LPAR1: variants seen among roughly 807,000 people sequenced by gnomAD.
LPAR1 encodes lysophosphatidic acid receptor 1.
A neutral mutation model predicts 23.8 loss-of-function variants in LPAR1; 5 were observed. The observed-to-expected ratio is 0.21, with a 90% CI of 0.11 to 0.44. LPAR1 has a LOEUF of 0.44. Among genes scored for constraint, LPAR1 ranks in the 20% least tolerant of loss-of-function variants. The pLI, the probability that LPAR1 is intolerant of heterozygous loss-of-function variation, is 0.99. For synonymous variants in LPAR1, 160 were observed against 164.7 expected (o/e 0.97, Z 0.22); for missense variants, 311 against 482.8 (o/e 0.64, Z 3.33).
upstream of LPAR1, chr9:111,038,762 A>G: frequency 2.6e-6 from 1 of 391,760 alleles, no homozygotes; most frequent in South Asian, 1.7e-5. The surrounding 1 kb of genome is among the most constrained non-coding windows in gnomAD (Gnocchi z 4.4). Context: ...TTAGCCTCCC[A>G]TTCATTATCT....
chr9:110,936,564 G>C lies in LPAR1; in HGVS notation c.793+4857C>G, dbSNP rs150841182. On this transcript the variant is annotated intron_variant, in intron 5 of 5. Transcript: ENST00000683809. ...AATGAGGAAAATGTAACTCCTTGAT[G>C]TAAGAGTATAAACAACACAGGAAGA... Among the ~76,000 whole-genome samples the C allele has an allele frequency of 2.1e-3, 323 of 152,298 alleles. 3 individuals are homozygous for C. Among genetic ancestry groups the C allele is most frequent in the African/African-American group, 7.1e-3 (297 of 41,572 alleles).
chr9:111,037,304 C>T (rs559018754), intron 1 of LPAR1, among the ~76,000 whole-genome samples: 30 of 152,302 alleles, frequency 2.0e-4, no homozygotes, highest in African/African-American at 7.2e-4. Context: ...CCAGCACCCA[C>T]ATTTATGAAA....
chr9:111,023,930 C>T (rs987885274), intron 2 of LPAR1, among the ~76,000 whole-genome samples: 2 of 152,114 alleles, frequency 1.3e-5, no homozygotes, highest in African/African-American at 4.8e-5. Flanking sequence ...AGCCACTGAA[C>T]TAAATGTCCC....
intron 2 of LPAR1, among the ~76,000 whole-genome samples, chr9:110,980,300 T>C (rs2096641291): frequency 6.6e-6 from 1 of 151,854 alleles, no homozygotes; most frequent in Non-Finnish European, 1.5e-5. Context: ...CAAAAAGAAG[T>C]TAAAAAAAAT....
At chr9:110,888,714 C>G (rs1175668007) in intron 5 of LPAR1, among the ~76,000 whole-genome samples, 7 of 152,086 alleles carry the variant, frequency 4.6e-5, no homozygotes, top group African/African-American at 1.7e-4. Flanking sequence ...ACAAGAAGAG[C>G]AGCTAGAAAC....
chr9:110,924,088 T>C (rs2093831833), intron 5 of LPAR1, among the ~76,000 whole-genome samples: 1 of 152,046 alleles, frequency 6.6e-6, no homozygotes, highest in Admixed American at 6.6e-5. Context: ...AAAAATCCAA[T>C]ATTGTCATGA....
At chr9:111,032,098 A>C (rs2097805377) in intron 2 of LPAR1, among the ~76,000 whole-genome samples, 1 of 152,226 alleles carries the variant, frequency 6.6e-6, no homozygotes, top group Non-Finnish European at 1.5e-5. Context: ...TGGAAGAAAG[A>C]GTAATATAAA....
intron 5 of LPAR1, among the ~76,000 whole-genome samples, chr9:110,912,553 C>T (rs893531864): frequency 2.6e-5 from 4 of 152,086 alleles, no homozygotes; most frequent in Admixed American, 6.5e-5. Flanking sequence ...CAATAAAACC[C>T]GTTTTCAGAC....
Position 110,941,123 on chromosome 9 carries a change from A to C in LPAR1, c.793+298T>G, listed in dbSNP as rs907556389. On this transcript the variant is annotated intron_variant, in intron 5 of 5. Coordinates refer to ENST00000683809, the MANE Select transcript of LPAR1 (RefSeq NM_001351411.2). The surrounding 1 kb of genome is among the most constrained non-coding windows in gnomAD (Gnocchi z 6.1). Reference sequence around the variant, plus strand: ...ATTTAGGCTGTAAGAAAAATGAATGAGTTTGACTGGTAATTCTGGTATTTT... The same window carrying C: ...ATTTAGGCTGTAAGAAAAATGAATGCGTTTGACTGGTAATTCTGGTATTTT... Among the ~76,000 whole-genome samples, 1 of 152,204 alleles carries C rather than the reference A, an allele frequency of 6.6e-6. No homozygotes were observed. Among genetic ancestry groups the C allele is most frequent in the Non-Finnish European group, 1.5e-5 (1 of 68,040 alleles).
chr9:110,947,806 G>A (rs2095434101), intron 4 of LPAR1, among the ~76,000 whole-genome samples: 1 of 152,318 alleles, frequency 6.6e-6, no homozygotes, highest in East Asian at 1.9e-4. Flanking sequence ...AAACTCACAT[G>A]CTAGTAATTA....
In LPAR1 at chr9:110,875,676, T is replaced by C; in HGVS notation, c.840A>G (p.Leu280=). 6.2e-7 allele frequency: 1 copy of C among 1,612,612 alleles called. No individual in the cohort carries two copies. Among genetic ancestry groups the C allele is most frequent in the Non-Finnish European group, 8.5e-7 (1 of 1,178,962 alleles). The part of the protein sequence containing the change: ...CWTPGLVLLL[L]DVCCPQCDVL... ...CGTCGCACTGTGGACAGCACACGTC[T>C]AGAAGTAACAAAACCAATCCAGGAG... is the stretch of plus-strand genomic sequence containing the variant. The change falls in exon 6 of 6, where the codon CTA becomes CTG. Residue 280 remains leucine (L), a synonymous_variant. Coordinates refer to ENST00000683809, the MANE Select transcript of LPAR1 (RefSeq NM_001351411.2).
At chr9:110,969,372 A>T (rs2096334068) in intron 4 of LPAR1, among the ~76,000 whole-genome samples, 9 of 152,064 alleles carry the variant, frequency 5.9e-5, no homozygotes. Flanking sequence ...CCTCCATACG[A>T]TATCTTGGAG....
At chr9:110,975,313 T>C (rs1269468870) in intron 2 of LPAR1, among the ~76,000 whole-genome samples, 2 of 152,166 alleles carry the variant, frequency 1.3e-5, no homozygotes, top group African/African-American at 4.8e-5. Context: ...ACGTTATTAC[T>C]AACAACAGCA....
intron 5 of LPAR1, among the ~76,000 whole-genome samples, chr9:110,890,289 G>A (rs866670328): frequency 3.9e-5 from 6 of 151,990 alleles, no homozygotes; most frequent in East Asian, 1.9e-4. Context: ...GAATATAATC[G>A]TTAAAAAAGT....
intron 2 of LPAR1, among the ~76,000 whole-genome samples, chr9:110,981,220 T>C (rs753135716): frequency 1.3e-5 from 2 of 152,066 alleles, no homozygotes; most frequent in Non-Finnish European, 2.9e-5. Context: ...GCACATACAT[T>C]TCTTTTTTTA....
At chr9:110,925,204 T>C (rs1182112941) in intron 5 of LPAR1, among the ~76,000 whole-genome samples, 1 of 151,464 alleles carries the variant, frequency 6.6e-6, no homozygotes, top group East Asian at 1.9e-4. Flanking sequence ...TACAGTTTTT[T>C]CCTGAGATTT....
At position 110,941,647 on chromosome 9, in the gene LPAR1, G is replaced by C. The variant is rs896007297; in HGVS notation, c.567C>G (p.Ile189Met). 2 of 1,614,170 alleles carry C rather than the reference G, an allele frequency of 1.2e-6. No homozygotes were observed. The highest frequency in any genetic ancestry group is 1.7e-6 in the Non-Finnish European group (2 of 1,180,024). ...GAIPSVGWNC[I>M]CDIENCSNMA... ...TGTTGGAACAATTTTCAATATCACA[G>C]ATACAGTTCCAGCCCACACTGGGTA... The change falls in exon 5 of 6, where the codon ATC becomes ATG. Residue 189 changes from isoleucine to methionine, a missense_variant. By Grantham distance (10) the Ile-to-Met change is conservative (BLOSUM62 1). Transcript: ENST00000683809. This position sits in a 1 kb window ranked among gnomAD's most constrained non-coding sequence, Gnocchi z 6.1.
intron 2 of LPAR1, among the ~76,000 whole-genome samples, chr9:111,025,118 TCAC>T (rs1453213079): frequency 6.6e-6 from 1 of 152,196 alleles, no homozygotes; most frequent in African/African-American, 2.4e-5. Context: ...CCTTGAAGAA[TCAC>T]CACACTGTCT....
chr9:111,033,680 T>C (rs952232490), intron 2 of LPAR1, among the ~76,000 whole-genome samples: 4 of 152,108 alleles, frequency 2.6e-5, no homozygotes, highest in African/African-American at 7.2e-5. Context: ...GCCTCCTGAG[T>C]AGCTGGGATT....
Sources: gnomAD v4.1 joint callset for allele counts (sites outside exome capture counted in the v4.1 genomes callset) on GRCh38, gnomAD v4.1.1 for gene constraint, Gnocchi (gnomAD v3.1) non-coding constraint, MANE v1.5 for transcripts, NCBI Gene and HGNC (gene_info 2026-07-23, HGNC 2026-07-21) for gene names.